AMBRA1: variants seen among roughly 807,000 people sequenced by gnomAD.
AMBRA1 encodes autophagy and beclin 1 regulator 1, also known as activating molecule in BECN1-regulated autophagy protein 1.
Under a neutral mutation model 125.4 loss-of-function variants are expected in AMBRA1, and 47 were observed. The observed-to-expected ratio is 0.37, with a 90% CI of 0.30 to 0.48. AMBRA1 has a LOEUF of 0.48. AMBRA1 is among the 20% of genes least tolerant of loss of function. The pLI, the probability that AMBRA1 is intolerant of heterozygous loss-of-function variation, is 0.99. For synonymous variants in AMBRA1, 626 were observed against 655.5 expected, an observed-to-expected ratio of 0.95 and a Z score of 0.69; for missense variants, 1,331 against 1,693.4, an observed-to-expected ratio of 0.79 and a Z score of 3.76.
chr11:46,578,432 A>G (rs982573480), intron 1 of AMBRA1, among the ~76,000 whole-genome samples: 4 of 151,848 alleles, frequency 2.6e-5, no homozygotes, highest in African/African-American at 9.7e-5. Context: ...AGTTGCAGTG[A>G]GCCAAGATCG....
At chr11:46,465,251 G>A (rs554793030) in intron 11 of AMBRA1, among the ~76,000 whole-genome samples, 1 of 152,036 alleles carries the variant, frequency 6.6e-6, no homozygotes, top group Admixed American at 6.5e-5. Context: ...GCTCCTCCCT[G>A]CCCTCCTTCT....
At chr11:46,584,982 G>A (rs2044314347) in intron 1 of AMBRA1, among the ~76,000 whole-genome samples, 1 of 152,148 alleles carries the variant, frequency 6.6e-6, no homozygotes, top group Non-Finnish European at 1.5e-5. Flanking sequence ...TGAGGCAGGA[G>A]AAACGCTTGA....
At chr11:46,416,263 G>A (rs1417065952) in intron 15 of AMBRA1, among the ~76,000 whole-genome samples, 1 of 152,194 alleles carries the variant, frequency 6.6e-6, no homozygotes, top group Non-Finnish European at 1.5e-5. Flanking sequence ...GGGAAAAGGA[G>A]TATTTCAGGA....
intron 1 of AMBRA1, among the ~76,000 whole-genome samples, chr11:46,590,620 T>C (rs2044563023): frequency 6.6e-6 from 1 of 152,180 alleles, no homozygotes; most frequent in South Asian, 2.1e-4. Context: ...CCAAGAACTT[T>C]CTTACTAAAA....
At chr11:46,587,862 G>A (rs1225368900) in intron 1 of AMBRA1, among the ~76,000 whole-genome samples, 1 of 152,058 alleles carries the variant, frequency 6.6e-6, no homozygotes, top group Non-Finnish European at 1.5e-5. Context: ...CATAGGTAAG[G>A]GTTGAAACAC....
At position 46,542,559 on chromosome 11, in the gene AMBRA1, G is replaced by C; in HGVS notation, c.1458C>G (p.Gly486=). 6.2e-7 allele frequency: 1 copy of C among 1,613,338 alleles called. No homozygotes were observed. Among genetic ancestry groups the C allele is most frequent in the Non-Finnish European group, 8.5e-7 (1 of 1,180,042 alleles). ...GLATESDGGN[G]SSQNNSGSIR... ...TGCTGCCCGAGTTGTTTTGGCTGGAGCCATTCCCTCCATCTGACTCAGTTG... is the reference window on the plus strand; with the variant it reads ...TGCTGCCCGAGTTGTTTTGGCTGGACCCATTCCCTCCATCTGACTCAGTTG... Residue 486 remains glycine (G), a synonymous_variant, in exon 7 of 18, where the codon GGC becomes GGG. Coordinates refer to ENST00000683756, the MANE Select transcript of AMBRA1 (RefSeq NM_001387011.1). This position sits in a 1 kb window ranked among gnomAD's most constrained non-coding sequence, Gnocchi z 5.9.
intron 11 of AMBRA1, among the ~76,000 whole-genome samples, chr11:46,453,246 T>C (rs1168477815): frequency 6.6e-6 from 1 of 151,936 alleles, no homozygotes; most frequent in Non-Finnish European, 1.5e-5. Context: ...GCTTATTGCA[T>C]GTTTCAGTAC....
intron 14 of AMBRA1, among the ~76,000 whole-genome samples, chr11:46,432,667 A>G (rs1947511532): frequency 1.3e-5 from 2 of 152,372 alleles, no homozygotes; most frequent in South Asian, 4.1e-4. Flanking sequence ...CACATACGCT[A>G]CACAGCTAAA....
chr11:46,555,339 G>C (rs1022600227), intron 1 of AMBRA1, among the ~76,000 whole-genome samples: 2 of 152,132 alleles, frequency 1.3e-5, no homozygotes, highest in Admixed American at 6.6e-5. Flanking sequence ...CTTATGCCAG[G>C]AATTTTACTC....
chr11:46,489,873 C>T (rs1950402295), intron 11 of AMBRA1, among the ~76,000 whole-genome samples: 1 of 152,162 alleles, frequency 6.6e-6, no homozygotes, highest in African/African-American at 2.4e-5. Flanking sequence ...TCAAACAAAA[C>T]ATGGCACAGA....
At position 46,517,474 on chromosome 11, in the gene AMBRA1, T is replaced by C. The variant is rs866254294; in HGVS notation, c.2073-4661A>G. Among the ~76,000 whole-genome samples, 519 of 140,654 alleles carry C rather than the reference T, an allele frequency of 3.7e-3. 2 individuals are homozygous for C. Among genetic ancestry groups the C allele is most frequent in the African/African-American group, 0.012 (428 of 36,666 alleles). 92.3% of individuals were successfully genotyped at this position (140,654 alleles called of 152,430 possible). A position where few individuals can be genotyped will look rare whatever the true frequency, so the allele number is the denominator to read the frequency against. Reference sequence around the variant, plus strand: ...AGAAAGCATTTTATTAATAAGGTTTTTTTTTTTTTTTTTTTTTTTTTTTAA... The same window carrying C: ...AGAAAGCATTTTATTAATAAGGTTTCTTTTTTTTTTTTTTTTTTTTTTTAA... On this transcript the variant is annotated intron_variant, in intron 7 of 17. Coordinates refer to ENST00000683756, the MANE Select transcript of AMBRA1 (RefSeq NM_001387011.1).
intron 14 of AMBRA1, among the ~76,000 whole-genome samples, chr11:46,430,767 A>ACTC (rs1468166839): frequency 6.6e-6 from 1 of 152,196 alleles, no homozygotes; most frequent in Non-Finnish European, 1.5e-5. Context: ...GAATTCCAAG[A>ACTC]GGTAACACCA....
chr11:46,493,223 G>A (rs1950524892), intron 11 of AMBRA1, among the ~76,000 whole-genome samples: 1 of 152,142 alleles, frequency 6.6e-6, no homozygotes, highest in Non-Finnish European at 1.5e-5. Flanking sequence ...GGAGTGGAGA[G>A]GTGTGCACTA....
chr11:46,407,146 G>A (rs1946062900), intron 17 of AMBRA1, among the ~76,000 whole-genome samples: 1 of 152,154 alleles, frequency 6.6e-6, no homozygotes, highest in African/African-American at 2.4e-5. Context: ...AGAGGCTGAA[G>A]TGAGCCGAGA....
Position 46,543,249 on chromosome 11 carries a change from C to T in AMBRA1, c.768G>A (p.Val256=). 6.2e-7 allele frequency: 1 copy of T among 1,613,804 alleles called. No individual in the cohort carries two copies. Residue 256 remains valine (V), a synonymous_variant, in exon 7 of 18, where the codon GTG becomes GTA. Transcript: ENST00000683756. ...AATCTTGCACTGTGCTTTGCTCTCC[C>T]ACCTGGATGCCAGAAGAGCGGGAGG... ...MLSSRSSGIQ[V]GEQSTVQDSA...
At chr11:46,559,959 T>C (rs2043277609) in intron 1 of AMBRA1, among the ~76,000 whole-genome samples, 1 of 152,190 alleles carries the variant, frequency 6.6e-6, no homozygotes, top group Non-Finnish European at 1.5e-5. Context: ...AAACTCAAGA[T>C]AGAACAATAA....
chr11:46,426,187 C>T (rs1947124552), intron 14 of AMBRA1, among the ~76,000 whole-genome samples: 2 of 152,064 alleles, frequency 1.3e-5, no homozygotes, highest in African/African-American at 2.4e-5. Context: ...TGGGCTGTTA[C>T]AGTGATAGTG....
Position 46,542,852 on chromosome 11 carries a change from C to A in AMBRA1, c.1165G>T (p.Gly389Cys), listed in dbSNP as rs925840392. Residue 389 changes from glycine to cysteine, a missense_variant, in exon 7 of 18, where the codon GGT (glycine) becomes TGT (cysteine). Physicochemically the swap from Gly to Cys is radical, Grantham distance 159. Around this residue, in one of 4 missense-constraint regions of AMBRA1, gnomAD observed 689 missense variants for 776.5 expected, o/e 0.89. Transcript: ENST00000683756. The surrounding 1 kb of genome is among the most constrained non-coding windows in gnomAD (Gnocchi z 5.9). Reference protein sequence around the residue: ...AGNTLRNLSLGPTRRSLGGPL... With the variant: ...AGNTLRNLSLCPTRRSLGGPL... ...CCTCCCAAAGAGCGGCGGGTAGGACCCAGACTGAGGTTGCGGAGCGTGTTG... is the reference window on the plus strand; with the variant it reads ...CCTCCCAAAGAGCGGCGGGTAGGACACAGACTGAGGTTGCGGAGCGTGTTG... The A allele has an allele frequency of 1.2e-6, 2 of 1,613,430 alleles. No individual in the cohort carries two copies. Among genetic ancestry groups the A allele is most frequent in the Admixed American group, 1.7e-5 (1 of 59,970 alleles).
In AMBRA1 at chr11:46,397,478, C is replaced by A. The variant is rs766574123; in HGVS notation, c.3869G>T (p.Gly1290Val). ...DGGSSRGDAA[G>V]PRGEPRNR The stretch of plus-strand genomic sequence containing the variant: ...CCTGTTCCGTGGTTCTCCCCTAGGG[C>A]CTGCAGCGTCCCCCCTGCTGCTGCC... The change falls in exon 18 of 18, where the codon GGC becomes GTC. Residue 1290 changes from glycine to valine, a missense_variant. Gly to Val is a moderately radical substitution (Grantham distance 109). Coordinates refer to ENST00000683756, the MANE Select transcript of AMBRA1 (RefSeq NM_001387011.1). 13 of 1,520,222 alleles carry A rather than the reference C, an allele frequency of 8.6e-6. No homozygotes were observed. In the African/African-American group the frequency reaches 1.8e-4, roughly 21 times the overall value. The allele number at this position is 1,520,222 out of a possible 1,614,324, so 94.2% of individuals were successfully genotyped here.
Sources: gnomAD v4.1 joint callset for allele counts (sites outside exome capture counted in the v4.1 genomes callset) on GRCh38, gnomAD v4.1.1 for gene constraint, gnomAD v4.1.1 regional missense constraint, Gnocchi (gnomAD v3.1) non-coding constraint, MANE v1.5 for transcripts, NCBI Gene and HGNC (gene_info 2026-07-23, HGNC 2026-07-21) for gene names.